UBR2: variants seen among roughly 807,000 people sequenced by gnomAD.
UBR2 encodes ubiquitin protein ligase E3 component n-recognin 2.
In UBR2, 92 loss-of-function variants were observed where a neutral mutation model predicts 247.9. The observed-to-expected ratio is 0.37, with a 90% CI of 0.31 to 0.44. The LOEUF is 0.44. Ranked by LOEUF, UBR2 falls within the 20% of genes least tolerant of loss-of-function variation. The pLI is 1.00. For missense variants in UBR2, 1,613 were observed against 2,112.6 expected, an observed-to-expected ratio of 0.76 and a Z score of 4.64; for synonymous variants, 672 against 693.5, an observed-to-expected ratio of 0.97 and a Z score of 0.49.
intron 7 of UBR2, among the ~76,000 whole-genome samples, chr6:42,611,079 C>T (rs1311843278): frequency 1.3e-5 from 2 of 149,948 alleles, no homozygotes; most frequent in Non-Finnish European, 1.5e-5. Context: ...CTCCTGACCT[C>T]AGGTGATCCG....
chr6:42,626,376 A>G lies in UBR2; in HGVS notation c.1282-6176A>G, dbSNP rs910541756. 2.0e-5 allele frequency among the ~76,000 whole-genome samples: 3 copies of G among 152,320 alleles called. No homozygotes were observed. The East Asian group carries it at 5.8e-4, about 29-fold the overall frequency. The stretch of plus-strand genomic sequence containing the variant: ...TAGAAAGGTTTGTTTTGCAAGTTCA[A>G]ATGAACTTAGGTAATAAAGGATGCC... On this transcript the variant is annotated intron_variant, in intron 11 of 46. Transcript: ENST00000372901.
intron 16 of UBR2, among the ~76,000 whole-genome samples, chr6:42,641,236 G>A (rs1796428812): frequency 6.6e-6 from 1 of 152,172 alleles, no homozygotes; most frequent in South Asian, 2.1e-4. Context: ...AGCTGAGGTG[G>A]GTGGATCACC....
rs1562312183 is a variant in UBR2 at position 42,614,419 on chromosome 6, C to CATAT, written c.986-652_986-651insATAT. 6.8e-5 allele frequency among the ~76,000 whole-genome samples: 2 copies of CATAT among 29,358 alleles called. 1 individual carries two copies. Among genetic ancestry groups the CATAT allele is most frequent in the African/African-American group, 2.0e-4 (2 of 9,774 alleles). The allele number at this position is 29,358 out of a possible 152,430, so 19.3% of individuals were successfully genotyped here. A position where few individuals can be genotyped will look rare whatever the true frequency, so the allele number is the denominator to read the frequency against. On this transcript the variant is annotated intron_variant, in intron 8 of 46. Transcript: ENST00000372901. The stretch of plus-strand genomic sequence containing the variant: ...ACATACATACGTATGTATGTACGTA[C>CATAT]GTACATATATATGTATGTACGTACA...
chr6:42,681,915 G>A (rs1010070063), intron 42 of UBR2, among the ~76,000 whole-genome samples: 2 of 152,172 alleles, frequency 1.3e-5, no homozygotes, highest in African/African-American at 2.4e-5. Flanking sequence ...CTATTATTCA[G>A]TCTTAAAAGT....
intron 3 of UBR2, 83 bp downstream of exon 3, chr6:42,592,312 T>G: frequency 8.8e-7 from 1 of 1,131,104 alleles, no homozygotes; most frequent in South Asian, 2.0e-5. Context: ...ATGCAAAGAT[T>G]TAACACTAAA....
rs111768698 is a variant in UBR2 at position 42,628,983 on chromosome 6, G to A, written c.1282-3569G>A. On this transcript the variant is annotated intron_variant, in intron 11 of 46. Transcript: ENST00000372901. The stretch of plus-strand genomic sequence containing the variant: ...AAATTGAATATGAATCATATAAAAT[G>A]AATAAAAACTGTAATATAATCAGGG... Among the ~76,000 whole-genome samples, 185 of 152,066 alleles carry A rather than the reference G, an allele frequency of 1.2e-3. 3 individuals carry two copies. The highest frequency in any genetic ancestry group is 4.2e-3 in the African/African-American group (175 of 41,522).
intron 30 of UBR2, among the ~76,000 whole-genome samples, chr6:42,660,450 G>C (rs1051804140): frequency 6.6e-6 from 1 of 152,044 alleles, no homozygotes; most frequent in African/African-American, 2.4e-5. Flanking sequence ...TTCTCTGCTT[G>C]TAGGTTGTGC....
intron 41 of UBR2, 95 bp downstream of exon 41, chr6:42,678,764 AG>A (rs1798869070): frequency 7.1e-7 from 1 of 1,410,476 alleles, no homozygotes; most frequent in African/African-American, 1.4e-5. Context: ...ATTGACTAAA[AG>A]TTCAAAGAAT....
At chr6:42,664,244 A>G (rs922673011) in intron 32 of UBR2, 3 of 152,216 alleles carry the variant, frequency 2.0e-5, no homozygotes, top group African/African-American at 7.2e-5. Flanking sequence ...ATGACACACA[A>G]ATTCATGAAG....
intron 26 of UBR2, among the ~76,000 whole-genome samples, chr6:42,657,497 G>A (rs1323705896): frequency 1.3e-5 from 2 of 152,132 alleles, no homozygotes; most frequent in Non-Finnish European, 2.9e-5. Flanking sequence ...TTCCAGAATG[G>A]CAGCACCAAA....
intron 42 of UBR2, among the ~76,000 whole-genome samples, chr6:42,682,223 CA>C (rs1254041583): frequency 6.6e-6 from 1 of 151,992 alleles, no homozygotes; most frequent in African/African-American, 2.4e-5. Flanking sequence ...TTTATAGAAA[CA>C]GAAAGTAGAA....
intron 4 of UBR2, among the ~76,000 whole-genome samples, chr6:42,599,967 A>G (rs1793252611): frequency 6.6e-6 from 1 of 152,076 alleles, no homozygotes; most frequent in Non-Finnish European, 1.5e-5. Flanking sequence ...TTAATAATAG[A>G]TTTATTTTTT....
At chr6:42,648,942 G>A (rs1231589660) in intron 22 of UBR2, among the ~76,000 whole-genome samples, 1 of 151,986 alleles carries the variant, frequency 6.6e-6, no homozygotes, top group Admixed American at 6.6e-5. Flanking sequence ...TGTCTTTGGG[G>A]GGGCGGGTTG....
intron 7 of UBR2, among the ~76,000 whole-genome samples, chr6:42,607,242 A>T (rs899739762): frequency 2.0e-5 from 3 of 149,748 alleles, no homozygotes; most frequent in Non-Finnish European, 4.4e-5. Context: ...ATCTCGGCTC[A>T]CTGCAACTTC....
chr6:42,644,200 A>T lies in UBR2; in HGVS notation c.2098-14A>T, dbSNP rs1306228470. 1 of 1,103,468 alleles carries T rather than the reference A, an allele frequency of 9.1e-7. No homozygotes were observed. Among genetic ancestry groups the T allele is most frequent in the Non-Finnish European group, 1.2e-6 (1 of 803,170 alleles). The allele number at this position is 1,103,468 out of a possible 1,614,324, so 68.4% of individuals were successfully genotyped here. ...CTCTTTTCCTTTATCTCAAACATTA[A>T]AAAAAAAAAAAAGACAGGTGTCTCC... On this transcript the variant is annotated splice_polypyrimidine_tract_variant and intron_variant, in intron 18 of 46. Transcript: ENST00000372901.
Position 42,658,845 on chromosome 6 carries a change from AAT to A in UBR2, c.3242+22_3242+23del. ...CATAGGTAAAAAAAAAAAAAAAAAA[AAT>A]TAATGTCTTGACGAGTTTTTCCCAA... On this transcript the variant is annotated intron_variant, in intron 29 of 46. Coordinates refer to ENST00000372901, the MANE Select transcript of UBR2 (RefSeq NM_001363705.2). 12 of 1,454,070 alleles carry A rather than the reference AAT, an allele frequency of 8.3e-6. No individual in the cohort carries two copies. In the East Asian group the frequency reaches 1.0e-4, roughly 12 times the overall value. The allele number at this position is 1,454,070 out of a possible 1,614,324, so 90.1% of individuals were successfully genotyped here.
chr6:42,684,836 T>C lies in UBR2; in HGVS notation c.4818T>C (p.Asp1606=), dbSNP rs1799282878. 7.4e-6 allele frequency: 12 copies of C among 1,612,576 alleles called. No individual in the cohort carries two copies. ...ACAAATTAATAAACCTTCCAGAGGATTACAGCAGCCTCATTAATCAAGCAT... is the reference window on the plus strand; with the variant it reads ...ACAAATTAATAAACCTTCCAGAGGACTACAGCAGCCTCATTAATCAAGCAT... ...ESNKLINLPE[D]YSSLINQASN... is the part of the protein sequence containing the mutation. The change falls in exon 44 of 47, where the codon GAT becomes GAC. Residue 1606 remains aspartate (D), a synonymous_variant. Transcript: ENST00000372901.
chr6:42,599,175 C>T (rs1793191333), intron 4 of UBR2, among the ~76,000 whole-genome samples: 1 of 152,164 alleles, frequency 6.6e-6, no homozygotes, highest in Non-Finnish European at 1.5e-5. Context: ...AAATTTCACT[C>T]ACAAATGCTG....
chr6:42,570,061 C>T (rs1257989757), intron 1 of UBR2, among the ~76,000 whole-genome samples: 2 of 118,446 alleles, frequency 1.7e-5, no homozygotes, highest in Non-Finnish European at 3.6e-5. Context: ...TATGTTAGAA[C>T]TAATATGAAA....
Sources: gnomAD v4.1 joint callset for allele counts (sites outside exome capture counted in the v4.1 genomes callset) on GRCh38, gnomAD v4.1.1 for gene constraint, MANE v1.5 for transcripts, NCBI Gene and HGNC (gene_info 2026-07-23, HGNC 2026-07-21) for gene names.